NTRK3: variants seen among roughly 807,000 people sequenced by gnomAD.
The protein encoded by NTRK3 is NT-3 growth factor receptor.
In NTRK3, 24 loss-of-function variants were observed where a neutral mutation model predicts 91.7. The ratio of observed to expected loss-of-function variants is 0.26; its 90% CI spans 0.19 to 0.37. The LOEUF is 0.37. Among genes scored for constraint, NTRK3 ranks in the 10% least tolerant of loss-of-function variants. NTRK3 has a pLI of 1.00. For synonymous variants in NTRK3, 483 were observed against 404.0 expected, an observed-to-expected ratio of 1.20 and a Z score of -2.34; for missense variants, 880 against 1,068.9, an observed-to-expected ratio of 0.82 and a Z score of 2.46.
rs141760792 is a variant in NTRK3 at position 88,154,635 on chromosome 15, G to C, written c.396-7232C>G. Among the ~76,000 whole-genome samples, 32 of 152,200 alleles carry C rather than the reference G, an allele frequency of 2.1e-4. 2 individuals carry two copies. Among genetic ancestry groups the C allele is most frequent in the African/African-American group, 7.5e-4 (31 of 41,512 alleles). On this transcript the variant is annotated intron_variant, in intron 5 of 18. Coordinates refer to ENST00000394480, the Ensembl canonical transcript of NTRK3. Reference sequence around the variant, plus strand: ...TTTCTCTAATCAAATCTCAACTGACGTGACTGGTGTCTTGACCTTAGCTCA... The same window carrying C: ...TTTCTCTAATCAAATCTCAACTGACCTGACTGGTGTCTTGACCTTAGCTCA...
chr15:88,194,353 A>T (rs540969355), intron 3 of NTRK3, among the ~76,000 whole-genome samples: 80 of 152,292 alleles, frequency 5.3e-4, no homozygotes, highest in African/African-American at 1.9e-3. Context: ...ATAGCACTCA[A>T]ATGTGCATCT....
chr15:87,989,702 A>C (rs1410259148), intron 14 of NTRK3, among the ~76,000 whole-genome samples: 1 of 152,122 alleles, frequency 6.6e-6, no homozygotes, highest in Non-Finnish European at 1.5e-5. Context: ...ACACGAAAAA[A>C]AAAAAGAGAT....
intron 14 of NTRK3, among the ~76,000 whole-genome samples, chr15:87,962,779 A>G (rs2072422257): frequency 6.6e-6 from 1 of 152,222 alleles, no homozygotes; most frequent in African/African-American, 2.4e-5. Flanking sequence ...AGGTCAGGAT[A>G]CATGGGTACT....
At chr15:88,186,107 G>C (rs942488601) in intron 3 of NTRK3, among the ~76,000 whole-genome samples, 1 of 152,188 alleles carries the variant, frequency 6.6e-6, no homozygotes, top group African/African-American at 2.4e-5. Flanking sequence ...TGTGCCACCA[G>C]GTCCCCCAGT....
chr15:87,984,818 G>T (rs1396612711), intron 14 of NTRK3, among the ~76,000 whole-genome samples: 1 of 152,146 alleles, frequency 6.6e-6, no homozygotes, highest in Non-Finnish European at 1.5e-5. Flanking sequence ...ACCCACTGCG[G>T]TAGCCACTCA....
chr15:88,108,635 A>G (rs1387114303), intron 13 of NTRK3, among the ~76,000 whole-genome samples: 1 of 152,258 alleles, frequency 6.6e-6, no homozygotes, highest in Non-Finnish European at 1.5e-5. Context: ...TCCAAAGATA[A>G]ATCAGAGTGT....
rs891713589 is a variant in NTRK3 at position 87,975,592 on chromosome 15, C to A, written c.1586-34839G>T. ...GCATCTTTCTGGGCTGAGTTCAGCT[C>A]TCCGCATCTGCCCTATACCAGCTCT... On this transcript the variant is annotated intron_variant, in intron 14 of 18. Coordinates refer to ENST00000394480, the Ensembl canonical transcript of NTRK3. 7.2e-5 allele frequency among the ~76,000 whole-genome samples: 11 copies of A among 152,282 alleles called. 1 individual carries two copies. In the South Asian group the frequency reaches 2.3e-3, roughly 32 times the overall value.
chr15:88,256,425 G>A (rs2054063390), exon 2 of NTRK3: 1 of 546,136 alleles, frequency 1.8e-6, no homozygotes, highest in East Asian at 3.2e-5. Flanking sequence ...GGCCGGCTCG[G>A]CGATCGCTGA....
rs1035990024 is a variant in NTRK3 at position 88,052,163 on chromosome 15, G to C, written c.1397-19118C>G. ...AGGGGAAATGTATTATAGAATAAGT[G>C]ATGTCATAAATATTTCCAGGTGTAC... On this transcript the variant is annotated intron_variant, in intron 13 of 18. Transcript: ENST00000394480. Among the ~76,000 whole-genome samples the C allele has an allele frequency of 2.0e-5, 3 of 152,206 alleles. No individual in the cohort carries two copies. In the East Asian group the frequency reaches 5.8e-4, roughly 29 times the overall value.
intron 13 of NTRK3, among the ~76,000 whole-genome samples, chr15:88,101,100 T>G (rs1333623865): frequency 6.6e-6 from 1 of 151,868 alleles, no homozygotes; most frequent in African/African-American, 2.4e-5. Context: ...TGGGAGAAAA[T>G]TTTTGCAATC....
chr15:87,984,966 CATT>C (rs534399482), intron 14 of NTRK3, among the ~76,000 whole-genome samples: 67 of 152,266 alleles, frequency 4.4e-4, no homozygotes, highest in African/African-American at 1.6e-3. Flanking sequence ...GTACAATAAA[CATT>C]ATGTTTATTG....
intron 3 of NTRK3, among the ~76,000 whole-genome samples, chr15:88,231,784 A>G (rs543952628): frequency 2.8e-4 from 42 of 152,318 alleles, no homozygotes; most frequent in Admixed American, 5.9e-4. Flanking sequence ...CCACCTTACT[A>G]TAGAATCAAC....
At chr15:87,889,984 T>G (rs2141559997) in intron 17 of NTRK3, among the ~76,000 whole-genome samples, 1 of 151,586 alleles carries the variant, frequency 6.6e-6, no homozygotes, top group South Asian at 2.1e-4. Flanking sequence ...ATTTATTTAT[T>G]TATTGTTGAT....
At chr15:88,220,056 A>G (rs1345444813) in intron 3 of NTRK3, among the ~76,000 whole-genome samples, 1 of 152,214 alleles carries the variant, frequency 6.6e-6, no homozygotes, top group East Asian at 1.9e-4. Context: ...AGTAAATCAG[A>G]CTACAATTTA....
intron 12 of NTRK3, among the ~76,000 whole-genome samples, chr15:88,126,905 C>A (rs1028745775): frequency 6.6e-6 from 1 of 152,184 alleles, no homozygotes; most frequent in East Asian, 1.9e-4. Context: ...CCCTGCAAAT[C>A]AGGCCCAGCT....
intron 10 of NTRK3, among the ~76,000 whole-genome samples, chr15:88,129,703 G>T (rs2053621907): frequency 6.6e-6 from 1 of 152,172 alleles, no homozygotes; most frequent in Non-Finnish European, 1.5e-5. Flanking sequence ...ATTAATGGAG[G>T]CCTGGAGACA....
At chr15:87,887,781 CTAAT>C (rs2065634514) in intron 17 of NTRK3, among the ~76,000 whole-genome samples, 1 of 152,070 alleles carries the variant, frequency 6.6e-6, no homozygotes, top group Non-Finnish European at 1.5e-5. Context: ...AAGAATAGTG[CTAAT>C]TAATTAATAA....
intron 5 of NTRK3, among the ~76,000 whole-genome samples, chr15:88,158,910 G>A (rs770503676): frequency 3.3e-5 from 5 of 152,170 alleles, no homozygotes; most frequent in Admixed American, 2.6e-4. Flanking sequence ...AAAAAAAGAC[G>A]CAGAAAGCAT....
chr15:88,001,129 G>C (rs2076068996), intron 14 of NTRK3, among the ~76,000 whole-genome samples: 1 of 152,006 alleles, frequency 6.6e-6, no homozygotes, highest in South Asian at 2.1e-4. Flanking sequence ...TGTGCTTATT[G>C]GCTATTTGTA....
Sources: allele counts gnomAD v4.1 joint callset (sites outside exome capture counted in the v4.1 genomes callset), GRCh38; gene constraint gnomAD v4.1.1; transcripts MANE v1.5; gene names NCBI Gene and HGNC (gene_info 2026-07-23, HGNC 2026-07-21).